The following CES5A variants were observed in gnomAD, a reference collection of about 807,000 sequenced individuals.
CES5A encodes the protein carboxylesterase 5A.
In CES5A, 67 loss-of-function variants were observed where a neutral mutation model predicts 62.9. That is an observed-to-expected ratio of 1.07 (90% CI 0.88 to 1.31). The LOEUF (loss-of-function observed/expected upper bound fraction) is 1.31. Ranked by LOEUF, CES5A falls within the 50% of genes most tolerant of loss-of-function variation. The probability of loss-of-function intolerance (pLI) is 0.00; values close to 1 mark genes in which losing one functional copy is unlikely to be tolerated. For synonymous variants in CES5A, 296 were observed against 280.8 expected, an observed-to-expected ratio of 1.05 and a Z score of -0.54; for missense variants, 748 against 708.5, an observed-to-expected ratio of 1.06 and a Z score of -0.63.
intron 2 of CES5A, among the ~76,000 whole-genome samples, chr16:55,946,402 G>C (rs1309296986): frequency 8.5e-5 from 13 of 152,156 alleles, no homozygotes; most frequent in Admixed American, 7.9e-4. Flanking sequence ...GCCAGCCCCA[G>C]CTCCATTCTA....
intron 11 of CES5A, among the ~76,000 whole-genome samples, chr16:55,847,074 C>T (rs1180466392): frequency 3.9e-5 from 6 of 152,160 alleles, no homozygotes; most frequent in South Asian, 2.1e-4. Context: ...TCCCTGTCCA[C>T]CCCGTGTTCC....
In CES5A at chr16:55,849,662, A is replaced by T. The variant is rs760897803; in HGVS notation, c.1385T>A (p.Phe462Tyr). 1 of 1,613,900 alleles carries T rather than the reference A, an allele frequency of 6.2e-7. No homozygotes were observed. The highest frequency in any genetic ancestry group is 1.3e-5 in the African/African-American group (1 of 74,944). The stretch of plus-strand genomic sequence containing the variant: ...GTCCCCCTTCAGGAAGGCACCACCG[A>T]ACACAAAGCGGACTTCATCAGCGTG... ...ADHADEVRFV[F>Y]GGAFLKGDIV... The change falls in exon 11 of 13, where the codon TTC becomes TAC. Residue 462 changes from phenylalanine to tyrosine, a missense_variant. Coordinates refer to ENST00000290567, the MANE Select transcript of CES5A (RefSeq NM_001143685.2).
chr16:55,859,212 T>A (rs766988523), intron 8 of CES5A, among the ~76,000 whole-genome samples: 69 of 152,242 alleles, frequency 4.5e-4, no homozygotes, highest in Non-Finnish European at 4.7e-4. Context: ...CCTATCTGAA[T>A]GTCAGCTCTG....
chr16:55,892,822 A>T (rs998014018), intron 1 of CES5A, among the ~76,000 whole-genome samples: 4 of 152,320 alleles, frequency 2.6e-5, no homozygotes, highest in Middle Eastern at 6.8e-3. Context: ...AATTCCACAG[A>T]GGGAACAAGT....
intron 1 of CES5A, among the ~76,000 whole-genome samples, chr16:55,892,487 C>T (rs1461201835): frequency 1.3e-5 from 2 of 152,154 alleles, no homozygotes; most frequent in African/African-American, 4.8e-5. Flanking sequence ...CAGAGTTTGA[C>T]TCTTTTTGTC....
rs565047420 is a variant in CES5A at position 55,884,072 on chromosome 16, C to T, written c.-255-10035G>A. 1.8e-3 allele frequency among the ~76,000 whole-genome samples: 281 copies of T among 152,304 alleles called. 1 individual carries two copies. The highest frequency in any genetic ancestry group is 3.5e-3 in the Non-Finnish European group (235 of 68,026). ...CACCCAAATAAACAACCATACATCC[C>T]TTCGGAAAAGAACTAGGAAAATTAT... On this transcript the variant is annotated intron_variant, in intron 1 of 12. Coordinates refer to the CES5A transcript ENST00000518005.
At position 55,884,442 on chromosome 16, in the gene CES5A, GGCACTTAAGT is replaced by G. The variant is rs1240489178; in HGVS notation, c.-255-10415_-255-10406del. On this transcript the variant is annotated intron_variant, in intron 1 of 12. Coordinates refer to the CES5A transcript ENST00000518005. Reference sequence around the variant, plus strand: ...AAGTAATTGCAGCCTCCTGCCTTCTGGCACTTAAGTGCCACTACCCAGCCTCAGGATGAGT... The same window carrying G: ...AAGTAATTGCAGCCTCCTGCCTTCTGGCCACTACCCAGCCTCAGGATGAGT... Among the ~76,000 whole-genome samples the G allele has an allele frequency of 2.0e-5, 3 of 152,276 alleles. No individual in the cohort carries two copies. In the South Asian group the frequency reaches 6.2e-4, roughly 32 times the overall value.
At chr16:55,855,512 C>T (rs2033222481) in intron 9 of CES5A, among the ~76,000 whole-genome samples, 1 of 152,120 alleles carries the variant, frequency 6.6e-6, no homozygotes, top group South Asian at 2.1e-4. Flanking sequence ...AATACAGATC[C>T]CCAGTCCCAT....
At chr16:55,881,534 G>C (rs994118757) in intron 1 of CES5A, among the ~76,000 whole-genome samples, 10 of 152,208 alleles carry the variant, frequency 6.6e-5, no homozygotes, top group Admixed American at 3.9e-4. Flanking sequence ...TATGCTATGA[G>C]AGTGGACCCA....
intron 2 of CES5A, among the ~76,000 whole-genome samples, chr16:55,932,279 T>C (rs2034321994): frequency 6.6e-6 from 1 of 152,138 alleles, no homozygotes; most frequent in African/African-American, 2.4e-5. Flanking sequence ...ATGCAACCCC[T>C]TGATTTTGAA....
chr16:55,854,532 T>TTTCTGTTTTCTTTCTTTTTTTTCTTTC (rs1491341397), intron 9 of CES5A, among the ~76,000 whole-genome samples: 1 of 59,122 alleles, frequency 1.7e-5, no homozygotes, highest in Non-Finnish European at 3.4e-5. Context: ...GTAGTGTTTC[T>TTTCTGTTTTCTTTCTTTTTTTTCTTTC]TTTTTTTTTT....
intron 2 of CES5A, among the ~76,000 whole-genome samples, chr16:55,935,585 G>T (rs1275477975): frequency 6.6e-6 from 1 of 152,086 alleles, no homozygotes; most frequent in Non-Finnish European, 1.5e-5. Flanking sequence ...TATATCCAAA[G>T]TCCAACCATC....
rs142782650 is a variant in CES5A at position 55,869,637 on chromosome 16, G to A, written c.525C>T (p.Tyr175=). Residue 175 remains tyrosine (Y), a synonymous_variant, in exon 4 of 13, where the codon TAC becomes TAT. Transcript: ENST00000290567. ...TGAAGAAACCAAATATTCCTAGCCG[G>A]TACTGGACGACCACAACCAGCACGT... ...YEDVLVVVVQ[Y]RLGIFGFFTT... is the part of the protein sequence containing the mutation. The A allele has an allele frequency of 6.3e-4, 1,018 of 1,613,880 alleles. 6 individuals carry two copies. The highest frequency in any genetic ancestry group is 6.3e-3 in the Middle Eastern group (38 of 6,060).
intron 1 of CES5A, among the ~76,000 whole-genome samples, chr16:55,906,302 T>C (rs952630714): frequency 1.3e-5 from 2 of 152,186 alleles, no homozygotes; most frequent in Non-Finnish European, 2.9e-5. Flanking sequence ...ATAATACTCA[T>C]TTTTCTGCAA....
chr16:55,858,065 G>C (rs1415890558), intron 8 of CES5A, among the ~76,000 whole-genome samples: 8 of 152,156 alleles, frequency 5.3e-5, no homozygotes, highest in African/African-American at 1.9e-4. Context: ...TGGGCATGGT[G>C]GTGGGTGCCT....
intron 2 of CES5A, among the ~76,000 whole-genome samples, chr16:55,932,391 G>A (rs1489864404): frequency 6.6e-6 from 1 of 152,162 alleles, no homozygotes; most frequent in Admixed American, 6.5e-5. Flanking sequence ...TAAGACACTG[G>A]GGGTACAATG....
At chr16:55,914,326 C>T (rs990036368) in intron 1 of CES5A, among the ~76,000 whole-genome samples, 5 of 152,158 alleles carry the variant, frequency 3.3e-5, no homozygotes, top group Non-Finnish European at 5.9e-5. Flanking sequence ...ACTTTCTCCC[C>T]TCTTCAAGAA....
chr16:55,884,096 A>G (rs1184477530), intron 1 of CES5A, among the ~76,000 whole-genome samples: 1 of 152,250 alleles, frequency 6.6e-6, no homozygotes, highest in African/African-American at 2.4e-5. Context: ...TAGGAAAATT[A>G]TCATGGTATA....
chr16:55,938,570 T>C (rs1420425432), intron 2 of CES5A, among the ~76,000 whole-genome samples: 2 of 150,688 alleles, frequency 1.3e-5, no homozygotes, highest in Non-Finnish European at 3.0e-5. Flanking sequence ...ACCCCGTCTC[T>C]ACTAAAAATA....
Sources: gnomAD v4.1 joint callset for allele counts (sites outside exome capture counted in the v4.1 genomes callset) on GRCh38, gnomAD v4.1.1 for gene constraint, MANE v1.5 for transcripts, NCBI Gene and HGNC (gene_info 2026-07-23, HGNC 2026-07-21) for gene names.